The following KIFBP variants were observed in gnomAD, a reference collection of about 807,000 sequenced individuals.
KIFBP encodes the protein kinesin family binding protein, also known as KIF-binding protein.
A neutral mutation model predicts 58.9 loss-of-function variants in KIFBP; 46 were observed. The observed-to-expected ratio is 0.78, with a 90% CI of 0.62 to 1.00. KIFBP has a LOEUF of 1.00. KIFBP is among the 50% of genes least tolerant of loss of function. KIFBP has a pLI of 0.00. For synonymous variants in KIFBP, 241 were observed against 283.4 expected (o/e 0.85, Z 1.50); for missense variants, 651 against 752.9 (o/e 0.86, Z 1.58).
intron 4 of KIFBP, chr10:69,006,707 TTC>T (rs1172833247): frequency 6.6e-6 from 1 of 152,226 alleles, no homozygotes; most frequent in Non-Finnish European, 1.5e-5. Flanking sequence ...ATTTTGGTAG[TTC>T]TCTGCTTATC....
At chr10:68,989,566 A>G (rs1160823550) in intron 1 of KIFBP, 1 of 504,536 alleles carries the variant, frequency 2.0e-6, no homozygotes, top group African/African-American at 1.9e-5. Context: ...AGACCCTCCT[A>G]CATCGTCATG....
chr10:68,995,715 C>CA (rs1207401436), intron 1 of KIFBP, among the ~76,000 whole-genome samples: 1 of 152,106 alleles, frequency 6.6e-6, no homozygotes, highest in African/African-American at 2.4e-5. Context: ...CAGAATTTAC[C>CA]AGTAATACTT....
chr10:69,008,049 A>G (rs1318890183), intron 4 of KIFBP, among the ~76,000 whole-genome samples: 2 of 152,180 alleles, frequency 1.3e-5, no homozygotes, highest in East Asian at 3.8e-4. Context: ...ATTTTAGAAC[A>G]CAGGAATATC....
Position 68,988,938 on chromosome 10 carries a change from A to C in KIFBP, c.106A>C (p.Lys36Gln). The C allele has an allele frequency of 6.2e-7, 1 of 1,614,232 alleles. No homozygotes were observed. The highest frequency in any genetic ancestry group is 8.5e-7 in the Non-Finnish European group (1 of 1,180,042). ...KNPEKEPYKSKYSARALLEEV... is the reference protein window; with the variant it reads ...KNPEKEPYKSQYSARALLEEV... ...TCCGGAGAAGGAACCATACAAGTCCAAATACAGCGCCCGGGCGCTACTGGA... is the reference window on the plus strand; with the variant it reads ...TCCGGAGAAGGAACCATACAAGTCCCAATACAGCGCCCGGGCGCTACTGGA... Residue 36 changes from lysine to glutamine, a missense_variant, in exon 1 of 7, where the codon AAA (lysine) becomes CAA (glutamine). Coordinates refer to ENST00000361983, the MANE Select transcript of KIFBP (RefSeq NM_015634.4).
At chr10:69,013,264 G>A (rs772493734) in intron 6 of KIFBP, among the ~76,000 whole-genome samples, 1 of 152,100 alleles carries the variant, frequency 6.6e-6, no homozygotes, top group Non-Finnish European at 1.5e-5. Context: ...ACTACTAAAC[G>A]AAAGAAAACC....
At chr10:69,007,361 G>T (rs1843546410) in intron 4 of KIFBP, among the ~76,000 whole-genome samples, 1 of 152,060 alleles carries the variant, frequency 6.6e-6, no homozygotes. Flanking sequence ...TTATATCATT[G>T]TCATCTTCAT....
chr10:69,012,032 C>T lies in KIFBP; in HGVS notation c.990+1017C>T, dbSNP rs75673662. Among the ~76,000 whole-genome samples the T allele has an allele frequency of 5.0e-3, 757 of 152,158 alleles. 8 individuals are homozygous for T. Among genetic ancestry groups the T allele is most frequent in the African/African-American group, 0.017 (717 of 41,514 alleles). On this transcript the variant is annotated intron_variant, in intron 6 of 6. Transcript: ENST00000361983. ...TTATATACTTCCCAGTGTTATCTTA[C>T]ACACAGCATGGACTTGATAAAATCT...
At chr10:69,003,000 G>A (rs1463311910) in intron 2 of KIFBP, among the ~76,000 whole-genome samples, 1 of 140,426 alleles carries the variant, frequency 7.1e-6, no homozygotes, top group Non-Finnish European at 1.5e-5. Context: ...TTGATGCCAG[G>A]AGTTCAAGAC....
chr10:69,015,625 C>T lies in KIFBP; in HGVS notation c.1075C>T (p.Arg359Trp), dbSNP rs755522222. The change falls in exon 7 of 7, where the codon CGG (arginine) becomes TGG (tryptophan). Residue 359 changes from arginine to tryptophan, a missense_variant. Physicochemically the swap from Arg to Trp is moderately radical, Grantham distance 101 (BLOSUM62 -3). Coordinates refer to ENST00000361983, the MANE Select transcript of KIFBP (RefSeq NM_015634.4). ...KKELDEEESI[R>W]KKAVQFGTGE... ...AGAACTAGATGAGGAGGAAAGCATT[C>T]GGAAAAAAGCTGTGCAGTTTGGAAC... The T allele has an allele frequency of 6.8e-6, 11 of 1,613,526 alleles. No homozygotes were observed. In the South Asian group the frequency reaches 7.7e-5, roughly 11 times the overall value.
At chr10:68,989,729 A>C (rs1036303976) in intron 1 of KIFBP, 3 of 175,742 alleles carry the variant, frequency 1.7e-5, no homozygotes, top group Admixed American at 1.2e-4. Context: ...ATGGGGTCTC[A>C]CTGTGTCGCC....
At position 69,016,055 on chromosome 10, in the gene KIFBP, T is replaced by C; in HGVS notation, c.1505T>C (p.Ile502Thr). 6.2e-7 allele frequency: 1 copy of C among 1,614,072 alleles called. No individual in the cohort carries two copies. Among genetic ancestry groups the C allele is most frequent in the Non-Finnish European group, 8.5e-7 (1 of 1,180,008 alleles). The stretch of plus-strand genomic sequence containing the variant: ...AGGCTAAGGGATCCTGATTCACACA[T>C]TGTAAAAAAAATAAATAATCTTAAT... ...ADRLRDPDSH[I>T]VKKINNLNKS... Residue 502 changes from isoleucine (I) to threonine (T), a missense_variant, in exon 7 of 7, where the codon ATT (isoleucine) becomes ACT (threonine). Ile to Thr is a moderately conservative substitution (Grantham distance 89). Coordinates refer to ENST00000361983, the MANE Select transcript of KIFBP (RefSeq NM_015634.4).
rs1358977096 is a variant in KIFBP, at chr10:69,005,259, G to A, written c.605+134G>A. The A allele has an allele frequency of 8.5e-6, 6 of 707,032 alleles. No individual in the cohort carries two copies. In the African/African-American group the frequency reaches 1.1e-4, roughly 12 times the overall value. 43.8% of individuals were successfully genotyped at this position (707,032 alleles called of 1,614,324 possible). A position where few individuals can be genotyped will look rare whatever the true frequency, so the allele number is the denominator to read the frequency against. On this transcript the variant is annotated intron_variant, in intron 3 of 6. Transcript: ENST00000361983. ...TAAAACCTCCATTTACCACTTACTT[G>A]TTATTTGACCTTGTTCAAACCTGAG...
At chr10:69,012,358 A>T (rs1304303607) in intron 6 of KIFBP, among the ~76,000 whole-genome samples, 1 of 152,220 alleles carries the variant, frequency 6.6e-6, no homozygotes, top group East Asian at 1.9e-4. Context: ...TACCATCATC[A>T]TTATTAATTT....
At position 69,015,747 on chromosome 10, in the gene KIFBP, T is replaced by C. The variant is rs1419839976; in HGVS notation, c.1197T>C (p.Gly399=). Residue 399 remains glycine, a synonymous_variant, in exon 7 of 7, where the codon GGT becomes GGC. Coordinates refer to ENST00000361983, the MANE Select transcript of KIFBP (RefSeq NM_015634.4). ...FEEARELFLL[G]QHYVFEAKEF... ...AAGCCAGAGAACTTTTCTTATTGGG[T>C]CAGCACTATGTCTTTGAGGCAAAAG... The C allele has an allele frequency of 2.5e-6, 4 of 1,614,214 alleles. No individual in the cohort carries two copies. Among genetic ancestry groups the C allele is most frequent in the Non-Finnish European group, 3.4e-6 (4 of 1,180,032 alleles).
chr10:69,008,419 T>TATATATATATATA (rs1564637637), intron 4 of KIFBP, among the ~76,000 whole-genome samples: 13 of 137,562 alleles, frequency 9.5e-5, no homozygotes, highest in African/African-American at 3.2e-4. Context: ...TATATATATA[T>TATATATATATATA]TCAGTCTTCT....
intron 6 of KIFBP, among the ~76,000 whole-genome samples, chr10:69,014,167 A>G (rs1005110826): frequency 6.6e-6 from 1 of 152,238 alleles, no homozygotes; most frequent in African/African-American, 2.4e-5. Context: ...GTATTTATTT[A>G]TGCCAACCCT....
intron 6 of KIFBP, 134 bp from the exon 7 acceptor site, chr10:69,015,407 T>C: frequency 1.3e-6 from 1 of 777,228 alleles, no homozygotes; most frequent in Non-Finnish European, 2.0e-6. Context: ...GTGTTTAAGA[T>C]TATGATACCC....
intron 1 of KIFBP, among the ~76,000 whole-genome samples, chr10:68,997,604 C>G (rs1291307274): frequency 6.6e-6 from 1 of 151,790 alleles, no homozygotes; most frequent in Admixed American, 6.6e-5. Context: ...TATCTAGTCT[C>G]AGGTAGTTCT....
At chr10:69,000,065 A>G (rs981560476) in intron 1 of KIFBP, among the ~76,000 whole-genome samples, 3 of 151,368 alleles carry the variant, frequency 2.0e-5, no homozygotes, top group East Asian at 1.9e-4. Flanking sequence ...AAAAAAAAAA[A>G]GCAGGCAATA....
Sources: allele counts gnomAD v4.1 joint callset (sites outside exome capture counted in the v4.1 genomes callset), GRCh38; gene constraint gnomAD v4.1.1; transcripts MANE v1.5; gene names NCBI Gene and HGNC (gene_info 2026-07-23, HGNC 2026-07-21).